ACSL1: variants seen among roughly 807,000 people sequenced by gnomAD.
The protein encoded by ACSL1 is acyl-CoA synthetase long chain family member 1.
A neutral mutation model predicts 98.4 loss-of-function variants in ACSL1; 41 were observed. The ratio of observed to expected loss-of-function variants is 0.42; its 90% confidence interval spans 0.32 to 0.54. The LOEUF is 0.54. ACSL1 is among the 20% of genes least tolerant of loss of function. The probability of loss-of-function intolerance (pLI) is 0.13; values close to 1 mark genes in which losing one functional copy is unlikely to be tolerated. For synonymous variants in ACSL1, 316 were observed against 322.7 expected (o/e 0.98, Z 0.22); for missense variants, 734 against 883.1 (o/e 0.83, Z 2.14).
In ACSL1 at chr4:184,757,501, T is replaced by C; in HGVS notation, c.1956+134A>G. On this transcript the variant is annotated intron_variant, in intron 20 of 20. Transcript: ENST00000281455. This position sits in a 1 kb window ranked among gnomAD's most constrained non-coding sequence, Gnocchi z 4.5. ...GCTTTTGATTTAAAAACCTTTCCCC[T>C]GTCAAACTACTCCATTATTTATTCC... 1 of 983,554 alleles carries C rather than the reference T, an allele frequency of 1.0e-6. No homozygotes were observed. The highest frequency in any genetic ancestry group is 1.5e-6 in the Non-Finnish European group (1 of 658,928). The allele number at this position is 983,554 out of a possible 1,614,324, so 60.9% of individuals were successfully genotyped here. A position where few individuals can be genotyped will look rare whatever the true frequency, so the allele number is the denominator to read the frequency against.
chr4:184,786,418 G>GCACA (rs61564967), intron 3 of ACSL1, among the ~76,000 whole-genome samples: 170 of 138,946 alleles, frequency 1.2e-3, no homozygotes, highest in African/African-American at 4.1e-3. Context: ...TGGTGGCAAA[G>GCACA]CACACACACA....
chr4:184,773,136 A>G lies in ACSL1; in HGVS notation c.860T>C (p.Met287Thr). The change falls in exon 10 of 21, where the codon ATG (methionine) becomes ACG (threonine). Residue 287 changes from methionine (M) to threonine (T), a missense_variant. Coordinates refer to ENST00000281455, the MANE Select transcript of ACSL1 (RefSeq NM_001995.5). The surrounding 1 kb of genome is among the most constrained non-coding windows in gnomAD (Gnocchi z 4.3). The part of the protein sequence containing the change: ...SGTTGNPKGA[M>T]VTHRNIVSDC... ...GCTCACTATGTTTCGGTGAGTGACC[A>G]TTGCTCCTTTGGGGTTGCCTGTGGA... 6.2e-7 allele frequency: 1 copy of G among 1,613,992 alleles called. No homozygotes were observed. The highest frequency in any genetic ancestry group is 1.3e-5 in the African/African-American group (1 of 75,058).
rs953826277 is a variant in ACSL1, at chr4:184,773,619, C to T, written c.841+44G>A. 3 of 1,574,250 alleles carry T rather than the reference C, an allele frequency of 1.9e-6. No homozygotes were observed. The highest frequency in any genetic ancestry group is 2.6e-6 in the Non-Finnish European group (3 of 1,157,102). On this transcript the variant is annotated intron_variant, in intron 9 of 20. Transcript: ENST00000281455. This position sits in a 1 kb window ranked among gnomAD's most constrained non-coding sequence, Gnocchi z 4.3. ...CAAAAGAGGTAGGGGAGAGTCCAGA[C>T]CAATGGCTGCCATATGTAGAAGCAA...
chr4:184,817,289 T>C (rs1772713959), intron 1 of ACSL1, among the ~76,000 whole-genome samples: 1 of 152,176 alleles, frequency 6.6e-6, no homozygotes, highest in African/African-American at 2.4e-5. Flanking sequence ...CTTCTGATGA[T>C]GTACCCCAAT....
rs1284159028 is a variant in ACSL1 at position 184,762,470 on chromosome 4, T to G, written c.1575A>C (p.Lys525Asn). Reference protein sequence around the residue: ...VFQGYLKDPAKTAEALDKDGW... With the variant: ...VFQGYLKDPANTAEALDKDGW... The stretch of plus-strand genomic sequence containing the variant: ...CGTCTTTGTCCAAAGCTTCTGCTGT[T>G]TTCGCTGGGTCCTTCAAGTAGCCCT... The change falls in exon 17 of 21, where the codon AAA (lysine) becomes AAC (asparagine). Residue 525 changes from lysine (K) to asparagine (N), a missense_variant. Coordinates refer to ENST00000281455, the MANE Select transcript of ACSL1 (RefSeq NM_001995.5). 6.2e-7 allele frequency: 1 copy of G among 1,614,238 alleles called. No homozygotes were observed. The highest frequency in any genetic ancestry group is 1.1e-5 in the South Asian group (1 of 91,082).
At chr4:184,760,763 G>T (rs1021490732) in intron 17 of ACSL1, among the ~76,000 whole-genome samples, 16 of 152,256 alleles carry the variant, frequency 1.1e-4, no homozygotes, top group Non-Finnish European at 1.9e-4. Context: ...TCACCACTTG[G>T]CACCACTGAC....
At chr4:184,826,166 C>G (rs1381509094), upstream of ACSL1, 142 of 149,930 alleles carry the variant, frequency 9.5e-4, no homozygotes, top group African/African-American at 3.4e-3. Flanking sequence ...CGCCCGGCCG[C>G]CCTCCTGTCT....
At chr4:184,795,483 CT>C (rs1390670582) in intron 2 of ACSL1, among the ~76,000 whole-genome samples, 2 of 152,186 alleles carry the variant, frequency 1.3e-5, no homozygotes, top group Non-Finnish European at 2.9e-5. Context: ...CTTTTTCTTC[CT>C]GGGTAAAGAG....
At chr4:184,775,500 A>G (rs1276633077) in intron 7 of ACSL1, among the ~76,000 whole-genome samples, 1 of 152,178 alleles carries the variant, frequency 6.6e-6, no homozygotes, top group Non-Finnish European at 1.5e-5. Context: ...AACACTAGGT[A>G]AGAAGCTATA....
In ACSL1 at chr4:184,757,663, T is replaced by A; in HGVS notation, c.1928A>T (p.Lys643Met). 6.2e-7 allele frequency: 1 copy of A among 1,614,144 alleles called. No homozygotes were observed. The highest frequency in any genetic ancestry group is 8.5e-7 in the Non-Finnish European group (1 of 1,180,004). Residue 643 changes from lysine to methionine, a missense_variant, in exon 20 of 21, where the codon AAG becomes ATG. Lys to Met is a moderately conservative substitution (Grantham distance 95). Coordinates refer to ENST00000281455, the MANE Select transcript of ACSL1 (RefSeq NM_001995.5). This position sits in a 1 kb window ranked among gnomAD's most constrained non-coding sequence, Gnocchi z 4.5. ...AILEDMVRLG[K>M]DSGLKPFEQV... ...TTCAAATGGTTTCAGACCAGAATCC[T>A]TCCCAAGTCTCACCATATCTTCGAG...
intron 18 of ACSL1, chr4:184,758,622 A>G (rs1221514357): frequency 1.3e-5 from 2 of 152,242 alleles, no homozygotes; most frequent in Non-Finnish European, 2.9e-5. Context: ...CCCATTCTTT[A>G]TAATCTACTA....
At chr4:184,767,404 C>T (rs960691360) in intron 12 of ACSL1, among the ~76,000 whole-genome samples, 2 of 151,962 alleles carry the variant, frequency 1.3e-5, no homozygotes, top group Non-Finnish European at 2.9e-5. Flanking sequence ...TTGTGAAAGA[C>T]GCCAGTCACA....
At chr4:184,796,675 T>G (rs1314709317) in intron 2 of ACSL1, among the ~76,000 whole-genome samples, 4 of 152,210 alleles carry the variant, frequency 2.6e-5, no homozygotes, top group African/African-American at 9.7e-5. Context: ...GGATGAAGGA[T>G]AGGGATGTAA....
intron 7 of ACSL1, among the ~76,000 whole-genome samples, chr4:184,776,113 C>T (rs1254568105): frequency 6.6e-6 from 1 of 152,226 alleles, no homozygotes; most frequent in South Asian, 2.1e-4. Flanking sequence ...CTATACTTGG[C>T]TTGGCATTAG....
intron 3 of ACSL1, among the ~76,000 whole-genome samples, chr4:184,787,345 G>T (rs570519780): frequency 1.3e-5 from 2 of 152,220 alleles, no homozygotes; most frequent in Admixed American, 6.5e-5. Context: ...CTCGGGCTAG[G>T]GGGGCAGAAT....
chr4:184,790,733 G>GTC (rs1024513059), intron 2 of ACSL1, among the ~76,000 whole-genome samples: 5 of 152,150 alleles, frequency 3.3e-5, no homozygotes, highest in Non-Finnish European at 7.4e-5. Flanking sequence ...GTTATTTTTT[G>GTC]TTAAAGAGGA....
intron 2 of ACSL1, among the ~76,000 whole-genome samples, chr4:184,790,015 C>G (rs1425549052): frequency 6.6e-6 from 1 of 151,806 alleles, no homozygotes; most frequent in African/African-American, 2.4e-5. Context: ...TGGAAGAGAT[C>G]GTTTCTGGCT....
intron 11 of ACSL1, among the ~76,000 whole-genome samples, chr4:184,768,884 C>T (rs1453537559): frequency 2.0e-5 from 3 of 152,042 alleles, no homozygotes; most frequent in Non-Finnish European, 2.9e-5. Flanking sequence ...AGCCTGGCCA[C>T]GTTACGGTGA....
intron 1 of ACSL1, among the ~76,000 whole-genome samples, chr4:184,811,275 A>AT (rs371577009): frequency 1.1e-3 from 167 of 149,054 alleles, no homozygotes; most frequent in Middle Eastern, 6.9e-3. Context: ...CGCCTGGCTA[A>AT]TTTTTTTTTT....
Sources: gnomAD v4.1 joint callset for allele counts (sites outside exome capture counted in the v4.1 genomes callset) on GRCh38, gnomAD v4.1.1 for gene constraint, Gnocchi (gnomAD v3.1) non-coding constraint, MANE v1.5 for transcripts, NCBI Gene and HGNC (gene_info 2026-07-23, HGNC 2026-07-21) for gene names.